ADCY2: variants seen among roughly 807,000 people sequenced by gnomAD.
The protein encoded by ADCY2 is adenylate cyclase type 2.
A neutral mutation model predicts 125.2 loss-of-function variants in ADCY2; 31 were observed. The ratio of observed to expected loss-of-function variants is 0.25; its 90% CI spans 0.19 to 0.33. ADCY2 has a LOEUF of 0.33. Ranked by LOEUF, ADCY2 falls within the 10% of genes least tolerant of loss-of-function variation. The pLI is 1.00. For missense variants in ADCY2, 904 were observed against 1,418.2 expected (o/e 0.64, Z 5.82); for synonymous variants, 512 against 548.4 (o/e 0.93, Z 0.93).
chr5:7,808,290 T>C lies in ADCY2; in HGVS notation c.2883+3598T>C, dbSNP rs148652579. On this transcript the variant is annotated intron_variant, in intron 22 of 24. Transcript: ENST00000338316. ...AGACTATAACAGGTGCTATGTGTTA[T>C]GCAGTGGCCTTCAAAGTCCCCAGCA... 2.5e-3 allele frequency among the ~76,000 whole-genome samples: 385 copies of C among 152,356 alleles called. 1 individual carries two copies. The highest frequency in any genetic ancestry group is 8.8e-3 in the African/African-American group (368 of 41,586).
chr5:7,505,090 C>T (rs1249567242), intron 2 of ADCY2, among the ~76,000 whole-genome samples: 1 of 151,940 alleles, frequency 6.6e-6, no homozygotes, highest in Admixed American at 6.6e-5. Context: ...CATCATATTA[C>T]CCAGGCTGGT....
chr5:7,513,823 T>C (rs75421898), intron 2 of ADCY2, among the ~76,000 whole-genome samples: 3,499 of 152,322 alleles, frequency 0.023, 132 homozygotes, highest in African/African-American at 0.08. Flanking sequence ...AATACAATGG[T>C]ATTTCTAATT....
intron 3 of ADCY2, among the ~76,000 whole-genome samples, chr5:7,589,324 A>G (rs1047603129): frequency 2.0e-5 from 3 of 151,670 alleles, no homozygotes; most frequent in African/African-American, 7.3e-5. Context: ...TGTTTTTACA[A>G]AATATGCATA....
At chr5:7,574,897 A>T (rs1736194197) in intron 3 of ADCY2, among the ~76,000 whole-genome samples, 1 of 152,230 alleles carries the variant, frequency 6.6e-6, no homozygotes, top group Non-Finnish European at 1.5e-5. Flanking sequence ...AGTGGATTAG[A>T]CACATTTTTT....
chr5:7,413,599 G>GTT (rs552814045), intron 1 of ADCY2, among the ~76,000 whole-genome samples: 20,829 of 147,874 alleles, frequency 0.14, 1,902 homozygotes, highest in Non-Finnish European at 0.21. Context: ...CACCCGGCCG[G>GTT]TTTTTTTTTT....
At chr5:7,502,568 G>C (rs1743635629) in intron 2 of ADCY2, among the ~76,000 whole-genome samples, 1 of 152,266 alleles carries the variant, frequency 6.6e-6, no homozygotes, top group South Asian at 2.1e-4. Flanking sequence ...GATACCAAGA[G>C]AAAGAGATGG....
chr5:7,778,592 A>G (rs564894198), intron 18 of ADCY2, among the ~76,000 whole-genome samples: 1 of 152,224 alleles, frequency 6.6e-6, no homozygotes, highest in East Asian at 1.9e-4. Flanking sequence ...AGCCTTAGCA[A>G]CAGCCTCCTA....
intron 3 of ADCY2, among the ~76,000 whole-genome samples, chr5:7,600,121 C>G (rs1737151865): frequency 6.6e-6 from 1 of 152,034 alleles, no homozygotes; most frequent in African/African-American, 2.4e-5. Flanking sequence ...GCAAAGCTTC[C>G]CTGAGGAAAT....
chr5:7,528,329 C>T (rs1438738317), intron 3 of ADCY2, among the ~76,000 whole-genome samples: 1 of 152,160 alleles, frequency 6.6e-6, no homozygotes, highest in African/African-American at 2.4e-5. Context: ...GGACATCAGA[C>T]TTTAAAAATG....
intron 3 of ADCY2, among the ~76,000 whole-genome samples, chr5:7,576,218 G>C (rs532671853): frequency 1.3e-5 from 2 of 152,348 alleles, no homozygotes; most frequent in South Asian, 4.1e-4. Flanking sequence ...GGCAGTAACA[G>C]AGCTGTCACA....
At chr5:7,689,473 TC>T (rs1221843514) in intron 4 of ADCY2, among the ~76,000 whole-genome samples, 1 of 152,226 alleles carries the variant, frequency 6.6e-6, no homozygotes, top group Non-Finnish European at 1.5e-5. Context: ...ACACTGAGCT[TC>T]CCCTATGAGC....
At chr5:7,527,720 A>G (rs1181560988) in intron 3 of ADCY2, among the ~76,000 whole-genome samples, 2 of 152,252 alleles carry the variant, frequency 1.3e-5, no homozygotes, top group African/African-American at 2.4e-5. Flanking sequence ...GAAAAATTTT[A>G]GATTGCACCT....
At chr5:7,457,386 C>T (rs1023210432) in intron 2 of ADCY2, among the ~76,000 whole-genome samples, 1 of 152,132 alleles carries the variant, frequency 6.6e-6, no homozygotes, top group Non-Finnish European at 1.5e-5. Context: ...CTCAGGGTGC[C>T]CTCAGCTGCA....
intron 1 of ADCY2, among the ~76,000 whole-genome samples, chr5:7,404,796 G>T (rs991090366): frequency 1.3e-5 from 2 of 152,192 alleles, no homozygotes; most frequent in Non-Finnish European, 2.9e-5. Flanking sequence ...CTTGCCCCAT[G>T]CATCGGCTGG....
At chr5:7,772,295 C>A (rs1743579564) in intron 17 of ADCY2, among the ~76,000 whole-genome samples, 1 of 152,186 alleles carries the variant, frequency 6.6e-6, no homozygotes, top group African/African-American at 2.4e-5. Context: ...TTGTTCTGCC[C>A]TAAGATGGAA....
rs749823885 is a variant in ADCY2, at chr5:7,444,111, C to CTTTT, written c.408+29358_408+29361dup. Among the ~76,000 whole-genome samples the CTTTT allele has an allele frequency of 6.1e-3, 605 of 99,314 alleles. 5 individuals are homozygous for CTTTT. Among genetic ancestry groups the CTTTT allele is most frequent in the South Asian group, 9.7e-3 (27 of 2,788 alleles). The allele number at this position is 99,314 out of a possible 152,430, so 65.2% of individuals were successfully genotyped here. ...GTTCTGCTGGTTTTGGTTTTTATCTCTTTTTTTTTTTTTTTTTTTTGAGAC... is the reference window on the plus strand; with the variant it reads ...GTTCTGCTGGTTTTGGTTTTTATCTCTTTTTTTTTTTTTTTTTTTTTTTTGAGAC... On this transcript the variant is annotated intron_variant, in intron 2 of 24. Transcript: ENST00000338316.
intron 2 of ADCY2, among the ~76,000 whole-genome samples, chr5:7,454,480 T>A (rs576138202): frequency 6.6e-6 from 1 of 152,360 alleles, no homozygotes; most frequent in South Asian, 2.1e-4. Context: ...TGTTTTCAGA[T>A]GTTTTAGAAT....
intron 18 of ADCY2, among the ~76,000 whole-genome samples, chr5:7,781,912 C>T (rs865969203): frequency 6.6e-6 from 1 of 152,172 alleles, no homozygotes; most frequent in African/African-American, 2.4e-5. Context: ...GGGGCCCTAA[C>T]AGCATCTATC....
rs1311849625 is a variant in ADCY2, at chr5:7,396,906, C to T, written c.210+400C>T. Among the ~76,000 whole-genome samples the T allele has an allele frequency of 6.6e-6, 1 of 152,226 alleles. No homozygotes were observed. Among genetic ancestry groups the T allele is most frequent in the Non-Finnish European group, 1.5e-5 (1 of 68,038 alleles). On this transcript the variant is annotated intron_variant, in intron 1 of 24. Coordinates refer to ENST00000338316, the MANE Select transcript of ADCY2 (RefSeq NM_020546.3). The surrounding 1 kb of genome is among the most constrained non-coding windows in gnomAD (Gnocchi z 5.7). ...TTCCTGGGCGAGTCGCTGTCTCCTGCCCGGTTCCACTGGCATGGCCCCACA... is the reference window on the plus strand; with the variant it reads ...TTCCTGGGCGAGTCGCTGTCTCCTGTCCGGTTCCACTGGCATGGCCCCACA...
Sources: allele counts gnomAD v4.1 joint callset (sites outside exome capture counted in the v4.1 genomes callset), GRCh38; gene constraint gnomAD v4.1.1; non-coding constraint Gnocchi (gnomAD v3.1); transcripts MANE v1.5; gene names NCBI Gene and HGNC (gene_info 2026-07-23, HGNC 2026-07-21).